The following MTOR variants were observed in gnomAD, a reference collection of about 807,000 sequenced individuals.
MTOR encodes the protein mechanistic target of rapamycin kinase, also known as serine/threonine-protein kinase mTOR.
Under a neutral mutation model 319.8 loss-of-function variants are expected in MTOR, and 70 were observed. The ratio of observed to expected loss-of-function variants is 0.22; its 90% confidence interval spans 0.18 to 0.27. MTOR has a LOEUF of 0.27. Among genes scored for constraint, MTOR ranks in the 10% least tolerant of loss-of-function variants. The pLI is 1.00. For synonymous variants in MTOR, 1,183 were observed against 1,211.4 expected (o/e 0.98, Z 0.49); for missense variants, 1,890 against 3,274.4 (o/e 0.58, Z 10.32).
rs1401840760 is a variant in MTOR, at chr1:11,213,389, G to A, written c.3285+10C>T. 11 of 1,608,990 alleles carry A rather than the reference G, an allele frequency of 6.8e-6. No individual in the cohort carries two copies. The Admixed American group carries it at 1.9e-4, about 27-fold the overall frequency. On this transcript the variant is annotated intron_variant, in intron 21 of 57. Transcript: ENST00000361445. ...GAAAATCTCTCTGGAGGATGACGTA[G>A]GCTACTCACCTTGATAGAGACAATG...
intron 8 of MTOR, among the ~76,000 whole-genome samples, chr1:11,246,525 T>C (rs1463595124): frequency 2.6e-5 from 4 of 152,362 alleles, no homozygotes; most frequent in East Asian, 1.9e-4. Flanking sequence ...CGAATTGTCA[T>C]GTCCTCACCC....
rs766214924 is a variant in MTOR, at chr1:11,133,176, C to T, written c.5268G>A (p.Glu1756=). 6.2e-7 allele frequency: 1 copy of T among 1,614,190 alleles called. No homozygotes were observed. The highest frequency in any genetic ancestry group is 8.5e-7 in the Non-Finnish European group (1 of 1,180,028). ...LMARCFLKLG[E]WQLNLQGINE... ...TGATGCCCTGTAGATTCAGCTGCCA[C>T]TCTCCAAGTTTCAGGAAGCATCTGG... is the stretch of plus-strand genomic sequence containing the variant. Residue 1756 remains glutamate, a synonymous_variant, in exon 38 of 58, where the codon GAG becomes GAA. Transcript: ENST00000361445. The surrounding 1 kb of genome is among the most constrained non-coding windows in gnomAD (Gnocchi z 4.0).
chr1:11,212,387 T>C lies in MTOR; in HGVS notation c.3486A>G (p.Thr1162=), dbSNP rs1045868833. The change falls in exon 23 of 58, where the codon ACA becomes ACG. Residue 1162 remains threonine (T), a synonymous_variant. Coordinates refer to ENST00000361445, the MANE Select transcript of MTOR (RefSeq NM_004958.4). This position sits in a 1 kb window ranked among gnomAD's most constrained non-coding sequence, Gnocchi z 4.1. ...AGCGCAGTTCTGGGCTCTGGTCCAG[T>C]GTTCGAACAATAGGGTGAATGATCC... ...ASRIIHPIVR[T]LDQSPELRST... is the part of the protein sequence containing the mutation. 1 of 1,613,992 alleles carries C rather than the reference T, an allele frequency of 6.2e-7. No homozygotes were observed.
intron 29 of MTOR, among the ~76,000 whole-genome samples, chr1:11,165,471 T>A (rs1035133438): frequency 1.3e-5 from 2 of 151,804 alleles, no homozygotes; most frequent in African/African-American, 4.8e-5. Flanking sequence ...GAGAGCCAAA[T>A]CATGAGTGAA....
chr1:11,226,284 T>C (rs1163111972), intron 19 of MTOR: 1 of 152,146 alleles, frequency 6.6e-6, no homozygotes, highest in African/African-American at 2.4e-5. Context: ...TATACTAGCA[T>C]TGGAACAATC....
chr1:11,124,401 G>GT, intron 47 of MTOR, 97 bp downstream of exon 47: 3 of 1,465,570 alleles, frequency 2.0e-6, no homozygotes, highest in East Asian at 2.3e-5. Flanking sequence ...TAATTTTATA[G>GT]TTTTTTGTTA....
In MTOR at chr1:11,220,109, T is replaced by C. The variant is rs76103246; in HGVS notation, c.3031-3875A>G. ...TATAAGGACAAAATTCCAAAAAAGA[T>C]AATAGATGAGAATTTCTCAGGAACT... On this transcript the variant is annotated intron_variant, in intron 19 of 57. Coordinates refer to ENST00000361445, the MANE Select transcript of MTOR (RefSeq NM_004958.4). 9.9e-3 allele frequency among the ~76,000 whole-genome samples: 1,198 copies of C among 121,564 alleles called. 19 individuals carry two copies. Among genetic ancestry groups the C allele is most frequent in the African/African-American group, 0.032 (1,107 of 34,698 alleles). The allele number at this position is 121,564 out of a possible 152,430, so 79.8% of individuals were successfully genotyped here.
chr1:11,130,465 G>C (rs2100428280), intron 39 of MTOR, 64 bp downstream of exon 39: 1 of 1,573,902 alleles, frequency 6.4e-7, no homozygotes. Flanking sequence ...GCTTAACAAC[G>C]ATTCCATTTC....
intron 29 of MTOR, among the ~76,000 whole-genome samples, chr1:11,165,167 A>T (rs1644602979): frequency 1.3e-5 from 2 of 152,230 alleles, no homozygotes; most frequent in Admixed American, 1.3e-4. Flanking sequence ...AACTGGAAGC[A>T]TTCCCTTTGA....
At chr1:11,204,850 A>G (rs1033220696) in intron 25 of MTOR, 147 bp from the exon 26 acceptor site, 1 of 979,214 alleles carries the variant, frequency 1.0e-6, no homozygotes, top group African/African-American at 1.7e-5. Flanking sequence ...ATACAAAAGA[A>G]TAATATTTAA....
chr1:11,150,027 C>CCCTT, intron 31 of MTOR, 99 bp downstream of exon 31: 1 of 1,001,908 alleles, frequency 1.0e-6, no homozygotes, highest in Admixed American at 1.9e-5. Context: ...CTTCCATAGA[C>CCCTT]CTGGATCTCC....
intron 47 of MTOR, among the ~76,000 whole-genome samples, chr1:11,123,782 C>T (rs977533403): frequency 1.3e-5 from 2 of 149,854 alleles, no homozygotes; most frequent in Non-Finnish European, 3.0e-5. Flanking sequence ...ATTTTTTTTT[C>T]CTTACTTTAG....
Position 11,212,913 on chromosome 1 carries a change from A to G in MTOR, c.3286-5T>C, listed in dbSNP as rs1048364427. Reference sequence around the variant, plus strand: ...CAGCTGGATTGCAGCCAGTAACTGCAAAAGGGAGCAAAAGCATGGTGATGA... The same window carrying G: ...CAGCTGGATTGCAGCCAGTAACTGCGAAAGGGAGCAAAAGCATGGTGATGA... On this transcript the variant is annotated splice_region_variant and splice_polypyrimidine_tract_variant and intron_variant, in intron 21 of 57. Transcript: ENST00000361445. This position sits in a 1 kb window ranked among gnomAD's most constrained non-coding sequence, Gnocchi z 4.1. 4 of 1,609,214 alleles carry G rather than the reference A, an allele frequency of 2.5e-6. No homozygotes were observed. The highest frequency in any genetic ancestry group is 2.2e-5 in the East Asian group (1 of 44,848).
intron 28 of MTOR, among the ~76,000 whole-genome samples, chr1:11,193,960 C>T (rs1645670441): frequency 2.0e-5 from 3 of 152,156 alleles, no homozygotes; most frequent in South Asian, 4.1e-4. Flanking sequence ...CCCCCCCAAC[C>T]CCCCGACAAA....
intron 19 of MTOR, among the ~76,000 whole-genome samples, chr1:11,226,934 C>T: frequency 7.0e-6 from 1 of 142,128 alleles, no homozygotes. Context: ...CGCCCCCGCC[C>T]CCGCCCACCA....
chr1:11,228,700 C>T lies in MTOR; in HGVS notation c.2998G>A (p.Val1000Ile). 6.2e-7 allele frequency: 1 copy of T among 1,614,072 alleles called. No individual in the cohort carries two copies. ...LPQVMPTFLNVIRVCDGAIRE... is the reference protein window; with the variant it reads ...LPQVMPTFLNIIRVCDGAIRE... ...ATGGCCCCATCACAGACTCGAATGA[C>T]GTTAAGGAACGTGGGCATGACCTGG... The change falls in exon 19 of 58, where the codon GTC (valine) becomes ATC (isoleucine). Residue 1000 changes from valine (V) to isoleucine (I), a missense_variant. By Grantham distance (29) the Val-to-Ile change is conservative. Transcript: ENST00000361445.
Position 11,238,404 on chromosome 1 carries a change from G to T in MTOR, c.2000C>A (p.Pro667His), listed in dbSNP as rs1269992098. The change falls in exon 12 of 58, where the codon CCT becomes CAT. Residue 667 changes from proline (P) to histidine (H), a missense_variant and splice_region_variant. Physicochemically the swap from Pro to His is moderately conservative, Grantham distance 77 (BLOSUM62 -2). Transcript: ENST00000361445. Reference protein sequence around the residue: ...SKLLVVGITDPDPDIRYCVLA... With the variant: ...SKLLVVGITDHDPDIRYCVLA... The stretch of plus-strand genomic sequence containing the variant: ...TCCTTCTGTCTGGCAAGCCTTACCA[G>T]GATCTGTTATCCCAACTACGAGCAG... 1 of 1,613,692 alleles carries T rather than the reference G, an allele frequency of 6.2e-7. No homozygotes were observed. The highest frequency in any genetic ancestry group is 1.7e-4 in the Middle Eastern group (1 of 5,826).
At chr1:11,250,312 G>A (rs1649502848) in intron 6 of MTOR, among the ~76,000 whole-genome samples, 1 of 151,494 alleles carries the variant, frequency 6.6e-6, no homozygotes, top group South Asian at 2.1e-4. Context: ...CGGCTGGCCG[G>A]GCAGAGGGGC....
Position 11,115,507 on chromosome 1 carries a change from G to A in MTOR, c.7017-39C>T, listed in dbSNP as rs1288245173. 6.3e-7 allele frequency: 1 copy of A among 1,586,126 alleles called. No individual in the cohort carries two copies. The highest frequency in any genetic ancestry group is 8.7e-7 in the Non-Finnish European group (1 of 1,154,538). On this transcript the variant is annotated intron_variant, in intron 50 of 57. Transcript: ENST00000361445. The surrounding 1 kb of genome is among the most constrained non-coding windows in gnomAD (Gnocchi z 4.5). ...AAGACAGATCAGGGAGGGATCAACA[G>A]AGATAACGGATGAAAAAATCAATAA...
Sources: gnomAD v4.1 joint callset for allele counts (sites outside exome capture counted in the v4.1 genomes callset) on GRCh38, gnomAD v4.1.1 for gene constraint, Gnocchi (gnomAD v3.1) non-coding constraint, MANE v1.5 for transcripts, NCBI Gene and HGNC (gene_info 2026-07-23, HGNC 2026-07-21) for gene names.